Variants in CSMD1 observed in about 807,000 individuals in gnomAD.
CSMD1 encodes the protein CUB and sushi domain-containing protein 1.
In CSMD1, 213 loss-of-function variants were observed where a neutral mutation model predicts 417.5. The observed-to-expected ratio is 0.51, with a 90% CI of 0.46 to 0.57. CSMD1 has a LOEUF of 0.57. Ranked by LOEUF, CSMD1 falls within the 20% of genes least tolerant of loss-of-function variation. The pLI, the probability that CSMD1 is intolerant of heterozygous loss-of-function variation, is 0.00. For missense variants in CSMD1, 6,923 were observed against 4,529.7 expected (o/e 1.53, Z -15.17); for synonymous variants, 2,862 against 1,736.8 (o/e 1.65, Z -16.11).
chr8:3,791,586 G>A (rs753072488), intron 5 of CSMD1, among the ~76,000 whole-genome samples: 5 of 152,310 alleles, frequency 3.3e-5, no homozygotes, highest in Admixed American at 6.5e-5. Flanking sequence ...CACTTTGGGA[G>A]GCCTAGGAGG....
At chr8:3,443,493 T>A (rs909571070) in intron 12 of CSMD1, among the ~76,000 whole-genome samples, 2 of 152,194 alleles carry the variant, frequency 1.3e-5, no homozygotes, top group East Asian at 3.8e-4. Context: ...TATCTACATA[T>A]GTGTGCGTCT....
At chr8:3,849,107 A>C (rs572946990) in intron 5 of CSMD1, among the ~76,000 whole-genome samples, 7 of 152,312 alleles carry the variant, frequency 4.6e-5, no homozygotes, top group Non-Finnish European at 7.3e-5. Flanking sequence ...CTTTTGTAAC[A>C]GAAAGTTACA....
chr8:3,446,909 T>C (rs1317771081), intron 12 of CSMD1, among the ~76,000 whole-genome samples: 4 of 152,162 alleles, frequency 2.6e-5, no homozygotes, highest in South Asian at 2.1e-4. Context: ...AAAGCACTAA[T>C]TGAGTTGGGG....
At chr8:3,200,433 T>C (rs1796933397) in intron 32 of CSMD1, among the ~76,000 whole-genome samples, 1 of 151,696 alleles carries the variant, frequency 6.6e-6, no homozygotes, top group Non-Finnish European at 1.5e-5. Flanking sequence ...TGCATGCCTG[T>C]AATCCCAGCC....
intron 53 of CSMD1, 128 bp downstream of exon 53, chr8:2,999,830 G>A (rs1479471818): frequency 5.1e-6 from 4 of 777,782 alleles, no homozygotes; most frequent in Non-Finnish European, 7.8e-6. Context: ...TCTTTGTATA[G>A]GCAAAACTGA....
At chr8:4,952,695 T>G (rs1808833949) in intron 1 of CSMD1, among the ~76,000 whole-genome samples, 1 of 152,060 alleles carries the variant, frequency 6.6e-6, no homozygotes, top group Non-Finnish European at 1.5e-5. Context: ...ATGGAATACA[T>G]TAAAATGAGT....
rs760710328 is a variant in CSMD1 at position 3,181,146 on chromosome 8, T to C, written c.5689A>G (p.Ser1897Gly). Residue 1897 changes from serine to glycine, a missense_variant, in exon 37 of 70, where the codon AGT (serine) becomes GGT (glycine). Ser to Gly is a moderately conservative substitution (Grantham distance 56, BLOSUM62 0). Transcript: ENST00000635120. ...QLYLHFQSDI[S>G]VAAAGFHLEY... ...AGGTGGAAACCAGCAGCTGCCACAC[T>C]AATGTCAGACTGGAAATGCAGGTAG... 2 of 1,613,920 alleles carry C rather than the reference T, an allele frequency of 1.2e-6. No homozygotes were observed. The highest frequency in any genetic ancestry group is 8.5e-7 in the Non-Finnish European group (1 of 1,179,844).
At chr8:3,678,216 G>A (rs1168524163) in intron 7 of CSMD1, among the ~76,000 whole-genome samples, 1 of 152,180 alleles carries the variant, frequency 6.6e-6, no homozygotes, top group Non-Finnish European at 1.5e-5. Flanking sequence ...AGAGAAGAAG[G>A]TTTCAGATGA....
At chr8:3,875,048 G>A (rs761641690) in intron 5 of CSMD1, among the ~76,000 whole-genome samples, 11 of 152,102 alleles carry the variant, frequency 7.2e-5, no homozygotes, top group Non-Finnish European at 1.2e-4. Context: ...GAGCTGGGGC[G>A]GCTGAAAGAG....
intron 23 of CSMD1, among the ~76,000 whole-genome samples, chr8:3,332,947 A>G (rs1371941546): frequency 6.6e-6 from 1 of 152,200 alleles, no homozygotes; most frequent in African/African-American, 2.4e-5. Flanking sequence ...TGAGTTTGTC[A>G]AGATACGGAG....
rs754542655 is a variant in CSMD1 at position 4,533,386 on chromosome 8, G to A, written c.302+103956C>T. ...TCTGTATTTGATCCCAGAGCTGTGAGATCCATATGACCAGGATGGACGGAC... is the reference window on the plus strand; with the variant it reads ...TCTGTATTTGATCCCAGAGCTGTGAAATCCATATGACCAGGATGGACGGAC... On this transcript the variant is annotated intron_variant, in intron 2 of 69. Transcript: ENST00000635120. Among the ~76,000 whole-genome samples, 118 of 152,294 alleles carry A rather than the reference G, an allele frequency of 7.7e-4. 1 individual carries two copies. Among genetic ancestry groups the A allele is most frequent in the Admixed American group, 1.4e-3 (21 of 15,304 alleles).
At chr8:3,718,200 T>A (rs1221051957) in intron 6 of CSMD1, among the ~76,000 whole-genome samples, 1 of 152,220 alleles carries the variant, frequency 6.6e-6, no homozygotes, top group Non-Finnish European at 1.5e-5. Context: ...ACAATAACTC[T>A]TTCTTTTTTT....
intron 1 of CSMD1, among the ~76,000 whole-genome samples, chr8:4,925,861 T>A (rs767104256): frequency 6.6e-6 from 1 of 152,230 alleles, no homozygotes; most frequent in Non-Finnish European, 1.5e-5. Context: ...TCTGGCATTT[T>A]GTAATTGTGA....
intron 3 of CSMD1, among the ~76,000 whole-genome samples, chr8:4,393,869 G>C (rs767176031): frequency 2.0e-5 from 3 of 152,234 alleles, no homozygotes; most frequent in Middle Eastern, 3.4e-3. Flanking sequence ...TGGAGCACAC[G>C]GAACAACCAT....
intron 1 of CSMD1, among the ~76,000 whole-genome samples, chr8:4,717,590 C>G (rs1808765595): frequency 6.6e-6 from 1 of 151,646 alleles, no homozygotes; most frequent in Admixed American, 6.6e-5. Context: ...ATCCATACAT[C>G]CATCCATCCA....
chr8:3,623,902 G>A (rs543098490), intron 7 of CSMD1, among the ~76,000 whole-genome samples: 4 of 152,060 alleles, frequency 2.6e-5, no homozygotes, highest in Non-Finnish European at 4.4e-5. Flanking sequence ...GCTTGAACCC[G>A]GGAGGCGGAG....
At chr8:4,347,049 A>G (rs1229189300) in intron 3 of CSMD1, among the ~76,000 whole-genome samples, 1 of 152,144 alleles carries the variant, frequency 6.6e-6, no homozygotes, top group Non-Finnish European at 1.5e-5. Context: ...CTAATTATCT[A>G]GACCAGAGAC....
At chr8:3,485,594 T>C (rs1817983955) in intron 11 of CSMD1, among the ~76,000 whole-genome samples, 1 of 131,370 alleles carries the variant, frequency 7.6e-6, no homozygotes. Context: ...TGAATACAAA[T>C]AAAACAGGAA....
chr8:4,233,439 G>A (rs1382081696), intron 3 of CSMD1, among the ~76,000 whole-genome samples: 1 of 152,152 alleles, frequency 6.6e-6, no homozygotes, highest in Non-Finnish European at 1.5e-5. Flanking sequence ...CGAATGTGAT[G>A]GTATTTGGAG....
Sources: gnomAD v4.1 joint callset for allele counts (sites outside exome capture counted in the v4.1 genomes callset) on GRCh38, gnomAD v4.1.1 for gene constraint, MANE v1.5 for transcripts, NCBI Gene and HGNC (gene_info 2026-07-23, HGNC 2026-07-21) for gene names.